Variants in FAM13B observed in about 807,000 individuals in gnomAD.
FAM13B encodes family with sequence similarity 13 member B.
In FAM13B, 60 loss-of-function variants were observed where a neutral mutation model predicts 117.3. The ratio of observed to expected loss-of-function variants is 0.51; its 90% CI spans 0.42 to 0.63. FAM13B has a LOEUF of 0.63. Ranked by LOEUF, FAM13B falls within the 30% of genes least tolerant of loss-of-function variation. The pLI, the probability that FAM13B is intolerant of heterozygous loss-of-function variation, is 0.00. For synonymous variants in FAM13B, 332 were observed against 356.1 expected, an observed-to-expected ratio of 0.93 and a Z score of 0.76; for missense variants, 972 against 1,091.9, an observed-to-expected ratio of 0.89 and a Z score of 1.55.
At chr5:137,960,372 A>G (rs545865027) in intron 11 of FAM13B, among the ~76,000 whole-genome samples, 158 bp from the exon 12 acceptor site, 4 of 152,136 alleles carry the variant, frequency 2.6e-5, no homozygotes, top group Non-Finnish European at 5.9e-5. Flanking sequence ...TTGGAGCCCT[A>G]TATCTGAAAA....
intron 4 of FAM13B, among the ~76,000 whole-genome samples, chr5:138,013,809 T>C (rs548726077): frequency 6.6e-6 from 1 of 152,312 alleles, no homozygotes; most frequent in South Asian, 2.1e-4. Context: ...TACCAACACT[T>C]GACAAATTCT....
At chr5:137,957,400 T>TA (rs1321693985) in intron 13 of FAM13B, among the ~76,000 whole-genome samples, 1 of 151,736 alleles carries the variant, frequency 6.6e-6, no homozygotes, top group Admixed American at 6.6e-5. Context: ...ATTAGCCGGG[T>TA]GTAGTGGCAC....
At chr5:138,019,341 A>G (rs1786053484) in intron 2 of FAM13B, among the ~76,000 whole-genome samples, 195 bp from the exon 3 acceptor site, 1 of 152,248 alleles carries the variant, frequency 6.6e-6, no homozygotes, top group African/African-American at 2.4e-5. Context: ...ACGAAGAGTT[A>G]GTGCTGAATG....
intron 1 of FAM13B, among the ~76,000 whole-genome samples, chr5:138,023,298 T>C (rs753027751): frequency 5.3e-5 from 8 of 152,206 alleles, no homozygotes; most frequent in Non-Finnish European, 7.3e-5. Context: ...CCTGAGGATG[T>C]TGACGGATAT....
At chr5:137,973,702 T>G (rs1370324168) in intron 10 of FAM13B, among the ~76,000 whole-genome samples, 1 of 149,106 alleles carries the variant, frequency 6.7e-6, no homozygotes, top group African/African-American at 2.5e-5. Context: ...CACAACCTAC[T>G]CATCTGACAA....
intron 12 of FAM13B, 143 bp downstream of exon 12, chr5:137,960,023 T>G (rs1767707188): frequency 1.5e-6 from 1 of 684,830 alleles, no homozygotes; most frequent in African/African-American, 1.9e-5. Context: ...AGTGGCAAAT[T>G]AAGTTGCTGT....
At chr5:138,039,048 A>C (rs927250554) in intron 1 of FAM13B, among the ~76,000 whole-genome samples, 1 of 152,228 alleles carries the variant, frequency 6.6e-6, no homozygotes, top group African/African-American at 2.4e-5. Flanking sequence ...ATCTTTGCCA[A>C]GTCCACATAT....
chr5:137,951,363 T>TAA (rs1764987259), intron 17 of FAM13B, among the ~76,000 whole-genome samples: 1 of 151,992 alleles, frequency 6.6e-6, no homozygotes, highest in African/African-American at 2.4e-5. Context: ...CAGAAATACT[T>TAA]AACACTTTAC....
intron 1 of FAM13B, among the ~76,000 whole-genome samples, chr5:138,032,005 C>T (rs1021326756): frequency 2.0e-5 from 3 of 152,164 alleles, no homozygotes; most frequent in South Asian, 2.1e-4. Flanking sequence ...AAAGTAAATG[C>T]CCAACTTTTT....
chr5:137,979,658 C>T (rs1775076118), intron 10 of FAM13B, among the ~76,000 whole-genome samples: 1 of 152,104 alleles, frequency 6.6e-6, no homozygotes, highest in East Asian at 1.9e-4. Flanking sequence ...TTTACTTATA[C>T]TATTCATTTT....
intron 10 of FAM13B, among the ~76,000 whole-genome samples, chr5:137,977,956 C>G (rs1160114202): frequency 6.6e-6 from 1 of 152,204 alleles, no homozygotes; most frequent in Non-Finnish European, 1.5e-5. Context: ...TGTGAATATT[C>G]TGACTTGGCC....
chr5:137,952,669 T>A lies in FAM13B; in HGVS notation c.1889A>T (p.Lys630Ile). Residue 630 changes from lysine (K) to isoleucine (I), a missense_variant, in exon 17 of 24, where the codon AAA (lysine) becomes ATA (isoleucine). By Grantham distance (102) the Lys-to-Ile change is moderately radical (BLOSUM62 -3). Transcript: ENST00000689681. Reference sequence around the variant, plus strand: ...CAGTTTTGTAAGCTCTGTCATCCATTTTAATACCTTTGGATTGGCAGCAAT... The same window carrying A: ...CAGTTTTGTAAGCTCTGTCATCCATATTAATACCTTTGGATTGGCAGCAAT... Reference protein sequence around the residue: ...SDIAANPKVLKWMTELTKLRK... With the variant: ...SDIAANPKVLIWMTELTKLRK... 2.5e-6 allele frequency: 4 copies of A among 1,606,686 alleles called. No homozygotes were observed. Among genetic ancestry groups the A allele is most frequent in the Non-Finnish European group, 3.4e-6 (4 of 1,176,162 alleles).
chr5:138,019,319 A>G (rs1213454718), intron 2 of FAM13B, among the ~76,000 whole-genome samples, 173 bp from the exon 3 acceptor site: 1 of 152,244 alleles, frequency 6.6e-6, no homozygotes, highest in East Asian at 1.9e-4. Context: ...TTACCTAAAC[A>G]TATTCCCTAT....
At chr5:138,004,048 C>T (rs1781922840) in intron 7 of FAM13B, among the ~76,000 whole-genome samples, 1 of 152,114 alleles carries the variant, frequency 6.6e-6, no homozygotes, top group African/African-American at 2.4e-5. Flanking sequence ...GTGGGCAGAT[C>T]ACCTGAAGTC....
chr5:137,990,377 T>C (rs777786755), intron 7 of FAM13B, among the ~76,000 whole-genome samples: 4 of 152,234 alleles, frequency 2.6e-5, no homozygotes, highest in Non-Finnish European at 5.9e-5. Flanking sequence ...CTTTATCTTA[T>C]ACCAAATCCT....
chr5:137,969,814 C>A (rs1488174636), intron 10 of FAM13B, among the ~76,000 whole-genome samples: 2 of 152,082 alleles, frequency 1.3e-5, no homozygotes, highest in Non-Finnish European at 2.9e-5. Flanking sequence ...GTGAAGAATG[C>A]AGAAGCCTCA....
At chr5:138,022,125 AAAAAAAAAAG>A (rs1236948625) in intron 1 of FAM13B, among the ~76,000 whole-genome samples, 1 of 151,550 alleles carries the variant, frequency 6.6e-6, no homozygotes, top group Non-Finnish European at 1.5e-5. Flanking sequence ...AAAAAAAAAA[AAAAAAAAAAG>A]AATAATACCT....
intron 10 of FAM13B, among the ~76,000 whole-genome samples, chr5:137,978,056 T>C (rs1399042465): frequency 6.6e-6 from 1 of 152,198 alleles, no homozygotes; most frequent in African/African-American, 2.4e-5. Flanking sequence ...TGGTTTTGTA[T>C]GTTTTGTTTT....
intron 10 of FAM13B, among the ~76,000 whole-genome samples, chr5:137,980,799 C>T (rs906796655): frequency 6.6e-6 from 1 of 152,134 alleles, no homozygotes; most frequent in Non-Finnish European, 1.5e-5. Flanking sequence ...TTACTATGTG[C>T]CAGATGCTAT....
Sources: gnomAD v4.1 joint callset for allele counts (sites outside exome capture counted in the v4.1 genomes callset) on GRCh38, gnomAD v4.1.1 for gene constraint, MANE v1.5 for transcripts, NCBI Gene and HGNC (gene_info 2026-07-23, HGNC 2026-07-21) for gene names.